TMEM131L: variants seen among roughly 807,000 people sequenced by gnomAD.
TMEM131L encodes the protein transmembrane protein 131-like.
TMEM131L carries 54 observed loss-of-function variants against 192.2 expected under a neutral mutation model. That is an observed-to-expected ratio of 0.28 (90% CI 0.23 to 0.35). The LOEUF (loss-of-function observed/expected upper bound fraction) is 0.35. Among genes scored for constraint, TMEM131L ranks in the 10% least tolerant of loss-of-function variants. TMEM131L has a pLI of 1.00. For missense variants in TMEM131L, 1,888 were observed against 1,972.9 expected, an observed-to-expected ratio of 0.96 and a Z score of 0.82; for synonymous variants, 701 against 704.9, an observed-to-expected ratio of 0.99 and a Z score of 0.09.
intron 3 of TMEM131L, among the ~76,000 whole-genome samples, chr4:153,477,981 C>T (rs1026364721): frequency 9.2e-5 from 14 of 152,222 alleles, no homozygotes; most frequent in Admixed American, 2.6e-4. Flanking sequence ...AATCTCCTAT[C>T]CCTGCCTGGA....
intron 2 of TMEM131L, among the ~76,000 whole-genome samples, chr4:153,469,943 A>AACAG (rs1296197455): frequency 1.3e-5 from 2 of 151,490 alleles, no homozygotes; most frequent in Admixed American, 6.6e-5. Flanking sequence ...CAAACAAACA[A>AACAG]ACAAACAAAC....
intron 21 of TMEM131L, among the ~76,000 whole-genome samples, chr4:153,599,401 T>G (rs1035164258): frequency 2.6e-5 from 4 of 152,028 alleles, no homozygotes; most frequent in Non-Finnish European, 4.4e-5. Context: ...AGGACGCAGA[T>G]CCAAACCATA....
intron 12 of TMEM131L, among the ~76,000 whole-genome samples, chr4:153,585,240 G>A (rs1730617879): frequency 6.6e-6 from 1 of 152,232 alleles, no homozygotes; most frequent in African/African-American, 2.4e-5. Context: ...GCCTCTGTGA[G>A]CTGTGCTGGC....
At chr4:153,630,502 G>T (rs949458234) in intron 31 of TMEM131L, among the ~76,000 whole-genome samples, 1 of 152,240 alleles carries the variant, frequency 6.6e-6, no homozygotes, top group African/African-American at 2.4e-5. Flanking sequence ...TGATTGCATA[G>T]ACTGCACCTT....
chr4:153,468,360 CA>C (rs778447558), intron 2 of TMEM131L, among the ~76,000 whole-genome samples: 13 of 150,976 alleles, frequency 8.6e-5, no homozygotes, highest in Non-Finnish European at 1.8e-4. Flanking sequence ...CTGAATGAGA[CA>C]GGTCTTTTGA....
rs1461616145 is a variant in TMEM131L at position 153,604,298 on chromosome 4, A to C, written c.3286A>C (p.Asn1096His). The C allele has an allele frequency of 6.2e-7, 1 of 1,614,206 alleles. No individual in the cohort carries two copies. Among genetic ancestry groups the C allele is most frequent in the South Asian group, 1.1e-5 (1 of 91,084 alleles). Residue 1096 changes from asparagine to histidine, a missense_variant, in exon 25 of 35, where the codon AAC (asparagine) becomes CAC (histidine). Coordinates refer to ENST00000409959, the MANE Select transcript of TMEM131L (RefSeq NM_001131007.2). ...GGAAACTGACATTAAAACTTCAGAG[A>C]ACACAGCCGAGTTCAAGGAACGGGA... Reference protein sequence around the residue: ...PKETDIKTSENTAEFKERELC... With the variant: ...PKETDIKTSEHTAEFKERELC...
At chr4:153,570,976 C>G (rs1391841107) in intron 7 of TMEM131L, among the ~76,000 whole-genome samples, 1 of 152,126 alleles carries the variant, frequency 6.6e-6, no homozygotes, top group South Asian at 2.1e-4. Context: ...TTCAATTTAA[C>G]CAGCTTTTTG....
At chr4:153,585,029 T>TTC in intron 12 of TMEM131L, 98 bp downstream of exon 12, 1 of 967,740 alleles carries the variant, frequency 1.0e-6, no homozygotes, top group Non-Finnish European at 1.6e-6. Flanking sequence ...ATTTGTGTGA[T>TTC]TCTCTCTCTC....
chr4:153,539,160 C>T (rs1192369297), intron 3 of TMEM131L, among the ~76,000 whole-genome samples: 1 of 152,144 alleles, frequency 6.6e-6, no homozygotes, highest in Non-Finnish European at 1.5e-5. Context: ...AAGTCACATA[C>T]CTCCCCCAAA....
In TMEM131L at chr4:153,577,953, AG is replaced by A. The variant is rs34759108; in HGVS notation, c.661-2872del. ...TAGGGGAATCGATGTGGGAGGGTTC[AG>A]CATGCCAACAAGCTCCCCTGGGAGA... On this transcript the variant is annotated intron_variant, in intron 7 of 34. Coordinates refer to ENST00000409959, the MANE Select transcript of TMEM131L (RefSeq NM_001131007.2). Among the ~76,000 whole-genome samples the A allele has an allele frequency of 2.3e-4, 35 of 152,302 alleles. No homozygotes were observed. In the East Asian group the frequency reaches 6.6e-3, roughly 29 times the overall value.
chr4:153,576,269 T>C (rs1291158123), intron 7 of TMEM131L, among the ~76,000 whole-genome samples: 1 of 152,220 alleles, frequency 6.6e-6, no homozygotes, highest in Non-Finnish European at 1.5e-5. Flanking sequence ...CCAATTGTTT[T>C]GTTCTTTTGA....
At chr4:153,494,219 C>G (rs2149917414) in intron 3 of TMEM131L, among the ~76,000 whole-genome samples, 1 of 152,206 alleles carries the variant, frequency 6.6e-6, no homozygotes, top group East Asian at 1.9e-4. Flanking sequence ...CATCGCATAT[C>G]AAGGTGTGTG....
At chr4:153,481,564 CTCAG>C (rs1731939856) in intron 3 of TMEM131L, among the ~76,000 whole-genome samples, 1 of 152,154 alleles carries the variant, frequency 6.6e-6, no homozygotes, top group South Asian at 2.1e-4. Flanking sequence ...GAGACAGGGT[CTCAG>C]TCTGTCACCT....
At chr4:153,539,342 T>G (rs1456834800) in intron 3 of TMEM131L, among the ~76,000 whole-genome samples, 1 of 152,080 alleles carries the variant, frequency 6.6e-6, no homozygotes, top group Non-Finnish European at 1.5e-5. Flanking sequence ...GACAGTGGGG[T>G]TATATTATAT....
At chr4:153,623,152 A>G (rs1733567669) in intron 29 of TMEM131L, 69 bp downstream of exon 29, 2 of 1,391,382 alleles carry the variant, frequency 1.4e-6, no homozygotes, top group South Asian at 1.4e-5. Flanking sequence ...TACCCAGTCC[A>G]CACAGTCTCG....
intron 30 of TMEM131L, among the ~76,000 whole-genome samples, chr4:153,627,144 G>T (rs1231642683): frequency 6.6e-6 from 1 of 152,110 alleles, no homozygotes; most frequent in South Asian, 2.1e-4. Context: ...GGGTTTATTG[G>T]GGGTAGGTTG....
intron 2 of TMEM131L, among the ~76,000 whole-genome samples, chr4:153,470,974 GTT>G (rs1200394796): frequency 6.8e-6 from 1 of 147,222 alleles, no homozygotes; most frequent in Non-Finnish European, 1.5e-5. Context: ...AGTGCCTTCG[GTT>G]TTTTTTGTTT....
intron 3 of TMEM131L, among the ~76,000 whole-genome samples, chr4:153,490,658 GATTTAA>G (rs977233229): frequency 3.9e-5 from 6 of 151,984 alleles, no homozygotes; most frequent in Admixed American, 1.3e-4. Context: ...AAAGCTTCTA[GATTTAA>G]AAAATGAGCG....
chr4:153,556,848 T>TC (rs2150471369), intron 5 of TMEM131L, 118 bp from the exon 6 acceptor site: 1 of 619,610 alleles, frequency 1.6e-6, no homozygotes, highest in East Asian at 2.8e-5. Context: ...ATAATACTGA[T>TC]AAGGGTGCAC....
Sources: gnomAD v4.1 joint callset for allele counts (sites outside exome capture counted in the v4.1 genomes callset) on GRCh38, gnomAD v4.1.1 for gene constraint, MANE v1.5 for transcripts, NCBI Gene and HGNC (gene_info 2026-07-23, HGNC 2026-07-21) for gene names.